UBXN7: variants seen among roughly 807,000 people sequenced by gnomAD.
UBXN7 encodes UBX domain-containing protein 7.
A neutral mutation model predicts 58.0 loss-of-function variants in UBXN7; 9 were observed. The observed-to-expected ratio is 0.16, with a 90% CI of 0.09 to 0.27. UBXN7 has a LOEUF of 0.27. Among genes scored for constraint, UBXN7 ranks in the 10% least tolerant of loss-of-function variants. UBXN7 has a pLI of 1.00. For missense variants in UBXN7, 328 were observed against 599.6 expected, an observed-to-expected ratio of 0.55 and a Z score of 4.73; for synonymous variants, 208 against 205.0, an observed-to-expected ratio of 1.01 and a Z score of -0.12.
Position 196,407,384 on chromosome 3 carries a change from T to C in UBXN7, c.83A>G (p.Glu28Gly). The change falls in exon 2 of 11, where the codon GAA becomes GGA. Residue 28 changes from glutamate (E) to glycine (G), a missense_variant. Around this residue, in one of 4 missense-constraint regions of UBXN7, gnomAD observed 106 missense variants for 124.3 expected, o/e 0.85. Coordinates refer to ENST00000296328, the MANE Select transcript of UBXN7 (RefSeq NM_015562.2). ...QQFTTITGAS[E>G]SVGKHMLEAC... is the part of the protein sequence containing the mutation. ...TTCAAGCATATGTTTTCCTACACTTTCACTTGCACCTGAAACAGTAAAAAG... is the reference window on the plus strand; with the variant it reads ...TTCAAGCATATGTTTTCCTACACTTCCACTTGCACCTGAAACAGTAAAAAG... The C allele has an allele frequency of 6.2e-7, 1 of 1,609,308 alleles. No homozygotes were observed. The highest frequency in any genetic ancestry group is 1.3e-5 in the African/African-American group (1 of 74,360).
At chr3:196,404,293 C>T (rs1434363106) in intron 2 of UBXN7, among the ~76,000 whole-genome samples, 2 of 138,084 alleles carry the variant, frequency 1.4e-5, no homozygotes, top group African/African-American at 5.4e-5. Context: ...GACGGAGTCT[C>T]ACTCTGTGGC....
chr3:196,417,051 C>T (rs186506210), intron 1 of UBXN7, among the ~76,000 whole-genome samples: 8 of 152,194 alleles, frequency 5.3e-5, no homozygotes, highest in African/African-American at 1.9e-4. Context: ...CGGCGGCTCA[C>T]GCCTGTAATC....
At chr3:196,399,464 CCTCA>C (rs1414012952) in intron 3 of UBXN7, among the ~76,000 whole-genome samples, 1 of 151,952 alleles carries the variant, frequency 6.6e-6, no homozygotes, top group Non-Finnish European at 1.5e-5. Flanking sequence ...ATAGACAGGG[CCTCA>C]CTCTGTTATA....
intron 1 of UBXN7, among the ~76,000 whole-genome samples, chr3:196,424,354 T>C (rs1162152428): frequency 6.6e-6 from 1 of 151,146 alleles, no homozygotes; most frequent in East Asian, 2.0e-4. Context: ...CACTCCCTCC[T>C]GCAAGATGCC....
chr3:196,410,102 G>A (rs1204446852), intron 1 of UBXN7, among the ~76,000 whole-genome samples: 1 of 151,892 alleles, frequency 6.6e-6, no homozygotes, highest in African/African-American at 2.4e-5. Flanking sequence ...ACCACACCGG[G>A]CTAATTTTTC....
chr3:196,349,676 A>G lies in UBXN7; in HGVS notation c.*7009T>C, dbSNP rs537752355. 1 of 152,304 alleles carries G rather than the reference A, an allele frequency of 6.6e-6. No individual in the cohort carries two copies. Among genetic ancestry groups the G allele is most frequent in the Admixed American group, 6.5e-5 (1 of 15,288 alleles). The allele number at this position is 152,304 out of a possible 1,614,324, so 9.4% of individuals were successfully genotyped here. ...TGGCAGGGAACGGTTCCAGATCAAG[A>G]ATCTCTCCCTTATCAGTTAAGAGTT... On this transcript the variant is annotated 3_prime_UTR_variant, in exon 11 of 11. Coordinates refer to ENST00000296328, the MANE Select transcript of UBXN7 (RefSeq NM_015562.2).
At chr3:196,417,075 G>GA (rs1322239187) in intron 1 of UBXN7, among the ~76,000 whole-genome samples, 1 of 152,162 alleles carries the variant, frequency 6.6e-6, no homozygotes, top group African/African-American at 2.4e-5. Context: ...GAACTTTGGG[G>GA]GGCCGAGGCG....
At chr3:196,401,274 A>AAATAT (rs1553852955) in intron 3 of UBXN7, among the ~76,000 whole-genome samples, 8 of 36,880 alleles carry the variant, frequency 2.2e-4, no homozygotes, top group African/African-American at 2.6e-4. Flanking sequence ...AAAAAAAAAA[A>AAATAT]ATATATATAT....
chr3:196,431,956 G>A lies in UBXN7; in HGVS notation c.73+371C>T, dbSNP rs753555131. ...CCGCACCGCAGGGCTGCACAGAGAA[G>A]GGAAGATGATGAAGGAGGAGGAGGA... On this transcript the variant is annotated intron_variant, in intron 1 of 10. Transcript: ENST00000296328. The A allele has an allele frequency of 7.6e-5, 33 of 432,474 alleles. 1 individual carries two copies. Among genetic ancestry groups the A allele is most frequent in the South Asian group, 6.5e-4 (32 of 49,020 alleles). The allele number at this position is 432,474 out of a possible 1,614,324, so 26.8% of individuals were successfully genotyped here. A position where few individuals can be genotyped will look rare whatever the true frequency, so the allele number is the denominator to read the frequency against.
chr3:196,421,044 T>A (rs981173111), intron 1 of UBXN7, among the ~76,000 whole-genome samples: 9 of 152,208 alleles, frequency 5.9e-5, no homozygotes, highest in African/African-American at 1.7e-4. Context: ...TGGGAGTGGA[T>A]GACAGTTGTG....
At chr3:196,393,704 T>G in intron 3 of UBXN7, 85 bp from the exon 4 acceptor site, 1 of 1,368,088 alleles carries the variant, frequency 7.3e-7, no homozygotes, top group Non-Finnish European at 1.0e-6. Context: ...AAGTATTTTT[T>G]TAATAAAACA....
rs373937144 is a variant in UBXN7 at position 196,386,334 on chromosome 3, C to T, written c.468+5479G>A. Among the ~76,000 whole-genome samples the T allele has an allele frequency of 1.4e-4, 20 of 147,056 alleles. No homozygotes were observed. The East Asian group carries it at 2.2e-3, about 16-fold the overall frequency. On this transcript the variant is annotated intron_variant, in intron 5 of 10. Transcript: ENST00000296328. ...CCTCCACTACTGTCCTATGACCCTG[C>T]CACATCCCCCTCTCCGAGAAACACC...
At chr3:196,370,857 C>CAAAAAAAAA (rs11347018) in intron 6 of UBXN7, among the ~76,000 whole-genome samples, 2 of 86,336 alleles carry the variant, frequency 2.3e-5, no homozygotes, top group Admixed American at 1.2e-4. Flanking sequence ...CCCATCTCTA[C>CAAAAAAAAA]AAAAAAAAAA....
chr3:196,401,560 G>C (rs1422489132), intron 3 of UBXN7, among the ~76,000 whole-genome samples: 2 of 150,176 alleles, frequency 1.3e-5, no homozygotes, highest in Non-Finnish European at 3.0e-5. Flanking sequence ...TCATAAGAGA[G>C]AGCTGAGTAC....
intron 4 of UBXN7, among the ~76,000 whole-genome samples, chr3:196,393,261 A>G (rs1330618585): frequency 6.6e-6 from 1 of 152,208 alleles, no homozygotes. Flanking sequence ...CCTGAGGGAA[A>G]TCAGTTTATT....
intron 1 of UBXN7, among the ~76,000 whole-genome samples, chr3:196,425,630 A>T (rs1269114058): frequency 6.6e-6 from 1 of 152,048 alleles, no homozygotes; most frequent in Non-Finnish European, 1.5e-5. Flanking sequence ...AACATGGCTT[A>T]TAAGGCCCAA....
Position 196,368,170 on chromosome 3 carries a change from C to T in UBXN7, c.707-15G>A. ...TAGCTTCTGACCTAAGGATTAAAAA[C>T]CAAGATCTATAAATAAATATAATAT... On this transcript the variant is annotated splice_polypyrimidine_tract_variant and intron_variant, in intron 7 of 10. Coordinates refer to ENST00000296328, the MANE Select transcript of UBXN7 (RefSeq NM_015562.2). 1 of 1,601,066 alleles carries T rather than the reference C, an allele frequency of 6.2e-7. No homozygotes were observed.
chr3:196,409,657 T>C (rs909826214), intron 1 of UBXN7, among the ~76,000 whole-genome samples: 2 of 152,142 alleles, frequency 1.3e-5, no homozygotes, highest in Non-Finnish European at 2.9e-5. Context: ...TAACAATCTT[T>C]GTTATAAATT....
At position 196,420,483 on chromosome 3, in the gene UBXN7, A is replaced by G. The variant is rs142035670; in HGVS notation, c.73+11844T>C. Among the ~76,000 whole-genome samples, 1,189 of 151,438 alleles carry G rather than the reference A, an allele frequency of 7.9e-3. 16 individuals carry two copies. Among genetic ancestry groups the G allele is most frequent in the African/African-American group, 0.028 (1,137 of 41,184 alleles). ...GAGGTGGAGGTTGCAGTGAGCCAAG[A>G]TTGCGCCATTGCACTCCAGCCTGGG... On this transcript the variant is annotated intron_variant, in intron 1 of 10. Transcript: ENST00000296328.
Sources: allele counts gnomAD v4.1 joint callset (sites outside exome capture counted in the v4.1 genomes callset), GRCh38; gene constraint gnomAD v4.1.1; regional missense constraint gnomAD v4.1.1; transcripts MANE v1.5; gene names NCBI Gene and HGNC (gene_info 2026-07-23, HGNC 2026-07-21).